NUP85: variants seen among roughly 807,000 people sequenced by gnomAD.
NUP85 encodes the protein nuclear pore complex protein Nup85.
NUP85 carries 23 observed loss-of-function variants against 92.8 expected under a neutral mutation model. The observed-to-expected ratio is 0.25, with a 90% CI of 0.18 to 0.35. NUP85 has a LOEUF of 0.35. Among genes scored for constraint, NUP85 ranks in the 10% least tolerant of loss-of-function variants. NUP85 has a pLI of 1.00. For missense variants in NUP85, 759 were observed against 822.8 expected, an observed-to-expected ratio of 0.92 and a Z score of 0.95; for synonymous variants, 314 against 306.9, an observed-to-expected ratio of 1.02 and a Z score of -0.24.
intron 7 of NUP85, among the ~76,000 whole-genome samples, chr17:75,222,886 T>G (rs2145333102): frequency 6.6e-6 from 1 of 151,860 alleles, no homozygotes. Context: ...ATACAAAAAA[T>G]TAGCCAGGCA....
intron 7 of NUP85, among the ~76,000 whole-genome samples, chr17:75,223,309 G>T (rs1688022729): frequency 6.6e-6 from 1 of 152,180 alleles, no homozygotes; most frequent in Non-Finnish European, 1.5e-5. Flanking sequence ...GGGGGTTACA[G>T]ATAAATTTTA....
At chr17:75,229,928 G>A (rs1202707502) in intron 11 of NUP85, among the ~76,000 whole-genome samples, 3 of 152,094 alleles carry the variant, frequency 2.0e-5, no homozygotes, top group African/African-American at 7.2e-5. Flanking sequence ...GGTAGCAACA[G>A]CTGTTTTGGG....
At chr17:75,227,144 G>T (rs1006357791) in intron 11 of NUP85, among the ~76,000 whole-genome samples, 1 of 152,096 alleles carries the variant, frequency 6.6e-6, no homozygotes, top group Non-Finnish European at 1.5e-5. Flanking sequence ...AATGGCAGAA[G>T]ATGGCCTTGA....
chr17:75,232,840 C>T lies in NUP85; in HGVS notation c.1397-11C>T. 4.3e-6 allele frequency: 7 copies of T among 1,612,198 alleles called. No homozygotes were observed. Among genetic ancestry groups the T allele is most frequent in the South Asian group, 1.1e-5 (1 of 90,998 alleles). ...GTGAAAGCCGTTTACCTTTTCTTTT[C>T]CCCTGCAAAGTTCGCAGCATTTGTA... On this transcript the variant is annotated splice_polypyrimidine_tract_variant and intron_variant, in intron 14 of 18. Coordinates refer to ENST00000245544, the MANE Select transcript of NUP85 (RefSeq NM_024844.5).
chr17:75,233,260 TC>T, intron 16 of NUP85, 102 bp downstream of exon 16: 1 of 874,376 alleles, frequency 1.1e-6, no homozygotes, highest in Non-Finnish European at 1.8e-6. Context: ...CTTCATGTAT[TC>T]CCATTGCATC....
rs1026682451 is a variant in NUP85, at chr17:75,225,567, C to CT, written c.855+104dup. 1.5e-5 allele frequency: 23 copies of CT among 1,570,644 alleles called. No individual in the cohort carries two copies. The African/African-American group carries it at 3.0e-4, about 20-fold the overall frequency. On this transcript the variant is annotated intron_variant, in intron 9 of 18. Coordinates refer to ENST00000245544, the MANE Select transcript of NUP85 (RefSeq NM_024844.5). ...CTTGGTCCTCCTTGGATAGGGCTGT[C>CT]TGTCGCTCTGCCGTGATGGCGAGAG...
Position 75,218,191 on chromosome 17 carries a change from C to G in NUP85, c.482C>G (p.Pro161Arg). The G allele has an allele frequency of 6.2e-7, 1 of 1,613,894 alleles. No homozygotes were observed. The highest frequency in any genetic ancestry group is 1.1e-5 in the South Asian group (1 of 91,078). ...TGAGAGTCTCTCCTCCCAGCTGGCC[C>G]TCTCCTCCTCCATCTCCTTGACTGG... ...ILFIEVAPAG[P>R]LLLHLLDWVR... The change falls in exon 7 of 19, where the codon CCT (proline) becomes CGT (arginine). Residue 161 changes from proline (P) to arginine (R), a missense_variant. Coordinates refer to ENST00000245544, the MANE Select transcript of NUP85 (RefSeq NM_024844.5).
chr17:75,222,989 C>T (rs905170960), intron 7 of NUP85, among the ~76,000 whole-genome samples: 4 of 148,372 alleles, frequency 2.7e-5, no homozygotes, highest in Non-Finnish European at 5.9e-5. Flanking sequence ...GAGCCGAGAT[C>T]GCGCCACTGC....
At chr17:75,224,153 C>T (rs1295973754) in intron 7 of NUP85, among the ~76,000 whole-genome samples, 1 of 152,166 alleles carries the variant, frequency 6.6e-6, no homozygotes, top group East Asian at 1.9e-4. Flanking sequence ...TCAAGCGATT[C>T]TCCTGCCTTA....
chr17:75,226,619 C>T (rs148746978), intron 11 of NUP85: 352 of 349,482 alleles, frequency 1.0e-3, no homozygotes, highest in African/African-American at 6.8e-3. Context: ...GAGGGGATCC[C>T]TTCAAACCAT....
chr17:75,232,591 A>G lies in NUP85; in HGVS notation c.1397-260A>G, dbSNP rs1169384748. 2.0e-5 allele frequency among the ~76,000 whole-genome samples: 3 copies of G among 152,172 alleles called. No individual in the cohort carries two copies. In the East Asian group the frequency reaches 5.8e-4, roughly 29 times the overall value. On this transcript the variant is annotated intron_variant, in intron 14 of 18. Transcript: ENST00000245544. ...AAAAAAAATAGAAGAGCTGACATGTAGGGAGCAACGTTTTGCTCCCCTTGA... is the reference window on the plus strand; with the variant it reads ...AAAAAAAATAGAAGAGCTGACATGTGGGGAGCAACGTTTTGCTCCCCTTGA...
At chr17:75,222,240 T>C (rs534934242) in intron 7 of NUP85, among the ~76,000 whole-genome samples, 1 of 152,236 alleles carries the variant, frequency 6.6e-6, no homozygotes, top group African/African-American at 2.4e-5. Context: ...AGACGGGGTT[T>C]TGCCATGTTG....
At chr17:75,228,262 G>C in intron 11 of NUP85, 2 of 985,400 alleles carry the variant, frequency 2.0e-6, no homozygotes, top group Non-Finnish European at 2.4e-6. Context: ...AGAAAGAGAA[G>C]TACCATGAAG....
intron 14 of NUP85, among the ~76,000 whole-genome samples, chr17:75,232,518 T>C (rs2076106622): frequency 6.6e-6 from 1 of 152,196 alleles, no homozygotes; most frequent in Admixed American, 6.5e-5. Context: ...TTGAGGCATC[T>C]GGAGAGGTAA....
chr17:75,223,332 A>G (rs2075652968), intron 7 of NUP85, among the ~76,000 whole-genome samples: 1 of 152,192 alleles, frequency 6.6e-6, no homozygotes. Flanking sequence ...GAGTAGGCAG[A>G]TTCACAGATA....
Position 75,232,830 on chromosome 17 carries a change from CTT to C in NUP85, c.1397-18_1397-17del. ...GATTTGTGGAGTGAAAGCCGTTTAC[CTT>C]TTCTTTTCCCCTGCAAAGTTCGCAG... On this transcript the variant is annotated intron_variant, in intron 14 of 18. Transcript: ENST00000245544. 6.2e-7 allele frequency: 1 copy of C among 1,608,662 alleles called. No individual in the cohort carries two copies. Among genetic ancestry groups the C allele is most frequent in the Non-Finnish European group, 8.5e-7 (1 of 1,175,148 alleles).
At position 75,205,786 on chromosome 17, in the gene NUP85, A is replaced by G. The variant is rs1199284539; in HGVS notation, c.25A>G (p.Thr9Ala). The part of the protein sequence containing the change: MEELDGEP[T>A]VTLIPGVNSK... ...TATGGAGGAGCTCGATGGCGAGCCAACAGTCACTGTAAGGGTACCCCGAAC... is the reference window on the plus strand; with the variant it reads ...TATGGAGGAGCTCGATGGCGAGCCAGCAGTCACTGTAAGGGTACCCCGAAC... Residue 9 changes from threonine to alanine, a missense_variant, in exon 1 of 19, where the codon ACA (threonine) becomes GCA (alanine). Physicochemically the swap from Thr to Ala is moderately conservative, Grantham distance 58 (BLOSUM62 0). Transcript: ENST00000245544. 12 of 1,614,034 alleles carry G rather than the reference A, an allele frequency of 7.4e-6. No homozygotes were observed. Among genetic ancestry groups the G allele is most frequent in the African/African-American group, 1.3e-5 (1 of 74,928 alleles).
At position 75,215,738 on chromosome 17, in the gene NUP85, C is replaced by T; in HGVS notation, c.406-16C>T. The T allele has an allele frequency of 6.2e-7, 1 of 1,612,392 alleles. No homozygotes were observed. Among genetic ancestry groups the T allele is most frequent in the Non-Finnish European group, 8.5e-7 (1 of 1,178,526 alleles). ...GGAATCATTTCAGGTGAAACCTGTC[C>T]CCATTTCTTCCTTAGGTCTCCATTT... On this transcript the variant is annotated splice_polypyrimidine_tract_variant and intron_variant, in intron 5 of 18. Transcript: ENST00000245544.
rs115291885 is a variant in NUP85, at chr17:75,215,928, T to C, written c.475+105T>C. 107 of 1,028,026 alleles carry C rather than the reference T, an allele frequency of 1.0e-4. No homozygotes were observed. The African/African-American group carries it at 1.4e-3, about 13-fold the overall frequency. 63.7% of individuals were successfully genotyped at this position (1,028,026 alleles called of 1,614,324 possible). A position where few individuals can be genotyped will look rare whatever the true frequency, so the allele number is the denominator to read the frequency against. On this transcript the variant is annotated intron_variant, in intron 6 of 18. Coordinates refer to ENST00000245544, the MANE Select transcript of NUP85 (RefSeq NM_024844.5). ...GTGATGAGTGTTTTATTCCTGAGAA[T>C]GTTCTTTCCATCATTATAACCACGG...
Sources: gnomAD v4.1 joint callset for allele counts (sites outside exome capture counted in the v4.1 genomes callset) on GRCh38, gnomAD v4.1.1 for gene constraint, MANE v1.5 for transcripts, NCBI Gene and HGNC (gene_info 2026-07-23, HGNC 2026-07-21) for gene names.